Variants in RSL1D1 observed in about 807,000 individuals in gnomAD.
RSL1D1 encodes ribosomal L1 domain containing 1.
Under a neutral mutation model 44.6 loss-of-function variants are expected in RSL1D1, and 34 were observed. The ratio of observed to expected loss-of-function variants is 0.76; its 90% CI spans 0.58 to 1.02. The LOEUF is 1.02. Among genes scored for constraint, RSL1D1 ranks in the 50% least tolerant of loss-of-function variants. The probability of loss-of-function intolerance (pLI) is 0.00; values close to 1 mark genes in which losing one functional copy is unlikely to be tolerated. For missense variants in RSL1D1, 767 were observed against 568.1 expected (o/e 1.35, Z -3.56); for synonymous variants, 271 against 207.4 (o/e 1.31, Z -2.63).
intron 5 of RSL1D1, among the ~76,000 whole-genome samples, chr16:11,844,931 G>T (rs1170632758): frequency 6.6e-6 from 1 of 152,190 alleles, no homozygotes; most frequent in African/African-American, 2.4e-5. Context: ...CGCATCCTTT[G>T]CTCAGCCAGA....
At chr16:11,850,078 C>T (rs1424353117) in intron 2 of RSL1D1, among the ~76,000 whole-genome samples, 5 of 152,158 alleles carry the variant, frequency 3.3e-5, no homozygotes, top group South Asian at 2.1e-4. Flanking sequence ...CCGTCCACCT[C>T]GGCCTCCCAA....
At chr16:11,848,071 G>C (rs1323851086) in intron 2 of RSL1D1, among the ~76,000 whole-genome samples, 1 of 152,136 alleles carries the variant, frequency 6.6e-6, no homozygotes, top group African/African-American at 2.4e-5. Context: ...GGCCAACATG[G>C]TGAAACCCTG....
intron 2 of RSL1D1, among the ~76,000 whole-genome samples, chr16:11,850,016 A>G (rs1333449496): frequency 6.6e-6 from 1 of 152,116 alleles, no homozygotes; most frequent in Non-Finnish European, 1.5e-5. Context: ...TTGGAGAGAC[A>G]GGGTTTTACC....
Position 11,836,488 on chromosome 16 carries a change from A to C in RSL1D1, c.*1299T>G, listed in dbSNP as rs1314598730. On this transcript the variant is annotated 3_prime_UTR_variant, in exon 9 of 9. Coordinates refer to ENST00000571133, the MANE Select transcript of RSL1D1 (RefSeq NM_015659.3). ...CAACCAGTGAAAGGCCACGTACCTA[A>C]AAAGGTGTTTACTGCCTCAGAATAT... The C allele has an allele frequency of 6.6e-6, 1 of 152,224 alleles. No homozygotes were observed. The highest frequency in any genetic ancestry group is 1.5e-5 in the Non-Finnish European group (1 of 68,044). 9.4% of individuals were successfully genotyped at this position (152,224 alleles called of 1,614,324 possible).
At position 11,851,449 on chromosome 16, in the gene RSL1D1, G is replaced by A; in HGVS notation, c.64C>T (p.Pro22Ser). 1 of 1,614,150 alleles carries A rather than the reference G, an allele frequency of 6.2e-7. No homozygotes were observed. Among genetic ancestry groups the A allele is most frequent in the Non-Finnish European group, 8.5e-7 (1 of 1,179,990 alleles). Reference protein sequence around the residue: ...AAATGTSTSTPAAPTARKQLD... With the variant: ...AAATGTSTSTSAAPTARKQLD... ...TGCTTCCGTGCTGTCGGGGCCGCTGGAGTCGAGGTGGAGGTTCCAGTAGCG... is the reference window on the plus strand; with the variant it reads ...TGCTTCCGTGCTGTCGGGGCCGCTGAAGTCGAGGTGGAGGTTCCAGTAGCG... Residue 22 changes from proline (P) to serine (S), a missense_variant, in exon 1 of 9, where the codon CCA (proline) becomes TCA (serine). By Grantham distance (74) the Pro-to-Ser change is moderately conservative. Transcript: ENST00000571133.
intron 5 of RSL1D1, among the ~76,000 whole-genome samples, chr16:11,842,409 T>A (rs540936893): frequency 1.3e-3 from 197 of 152,354 alleles, no homozygotes; most frequent in Admixed American, 4.4e-3. Context: ...TATTTCATTT[T>A]TGAGACAGGG....
intron 2 of RSL1D1, among the ~76,000 whole-genome samples, chr16:11,848,187 A>C (rs976647447): frequency 3.3e-5 from 5 of 152,166 alleles, no homozygotes; most frequent in African/African-American, 1.2e-4. Flanking sequence ...CGGAAGGTGG[A>C]GGTTGCAGTG....
chr16:11,844,823 T>C (rs903478430), intron 5 of RSL1D1, among the ~76,000 whole-genome samples: 1 of 152,148 alleles, frequency 6.6e-6, no homozygotes, highest in African/African-American at 2.4e-5. Context: ...ATAAAATGTA[T>C]TTTCAATACA....
chr16:11,842,027 G>A lies in RSL1D1; in HGVS notation c.636-27C>T, dbSNP rs773717201. On this transcript the variant is annotated intron_variant, in intron 5 of 8. Transcript: ENST00000571133. ...TGAAATTTAATATAGTATTAGACAAGATTTTAAAAAACCATTTTTCAAAAT... is the reference window on the plus strand; with the variant it reads ...TGAAATTTAATATAGTATTAGACAAAATTTTAAAAAACCATTTTTCAAAAT... 4 of 1,520,882 alleles carry A rather than the reference G, an allele frequency of 2.6e-6. No individual in the cohort carries two copies. The South Asian group carries it at 3.6e-5, about 14-fold the overall frequency. The allele number at this position is 1,520,882 out of a possible 1,614,324, so 94.2% of individuals were successfully genotyped here. A position where few individuals can be genotyped will look rare whatever the true frequency, so the allele number is the denominator to read the frequency against.
intron 2 of RSL1D1, among the ~76,000 whole-genome samples, chr16:11,848,184 T>C (rs1236147618): frequency 1.3e-5 from 2 of 152,016 alleles, no homozygotes; most frequent in African/African-American, 4.8e-5. Context: ...ACCCGGAAGG[T>C]GGAGGTTGCA....
Position 11,841,997 on chromosome 16 carries a change from A to G in RSL1D1, c.639T>C (p.Ala213=), listed in dbSNP as rs2053767035. The G allele has an allele frequency of 6.2e-7, 1 of 1,606,888 alleles. No homozygotes were observed. The highest frequency in any genetic ancestry group is 8.5e-7 in the Non-Finnish European group (1 of 1,176,346). ...LNISKSGSCS[A]IRIGHVGMQI... is the part of the protein sequence containing the mutation. ...GCATTCCAACGTGACCAATACGTAT[A>G]GCACTGAAATTTAATATAGTATTAG... Residue 213 remains alanine (A), a synonymous_variant, in exon 6 of 9, where the codon GCT becomes GCC. Coordinates refer to ENST00000571133, the MANE Select transcript of RSL1D1 (RefSeq NM_015659.3).
chr16:11,845,360 G>GA (rs1555501385), intron 5 of RSL1D1, among the ~76,000 whole-genome samples: 1 of 152,236 alleles, frequency 6.6e-6, no homozygotes, highest in Non-Finnish European at 1.5e-5. Flanking sequence ...GGCTGAGGTG[G>GA]AAGGATTGCT....
At chr16:11,851,208 G>A (rs970506825) in intron 1 of RSL1D1, 200 bp downstream of exon 1, 12 of 631,826 alleles carry the variant, frequency 1.9e-5, no homozygotes, top group African/African-American at 1.6e-4. Flanking sequence ...CAATTCACTA[G>A]CGCCAGGCCG....
chr16:11,841,894 T>C lies in RSL1D1; in HGVS notation c.729+13A>G. 4 of 1,612,628 alleles carry C rather than the reference T, an allele frequency of 2.5e-6. No individual in the cohort carries two copies. Among genetic ancestry groups the C allele is most frequent in the Non-Finnish European group, 3.4e-6 (4 of 1,179,068 alleles). Reference sequence around the variant, plus strand: ...TAAATGAACAATCAATTGATGCACCTGTAATACTGTACCTCTGGCAATTTT... The same window carrying C: ...TAAATGAACAATCAATTGATGCACCCGTAATACTGTACCTCTGGCAATTTT... On this transcript the variant is annotated intron_variant, in intron 6 of 8. Coordinates refer to ENST00000571133, the MANE Select transcript of RSL1D1 (RefSeq NM_015659.3).
rs1484716331 is a variant in RSL1D1 at position 11,835,729 on chromosome 16, A to G, written c.*2058T>C. 2 of 152,288 alleles carry G rather than the reference A, an allele frequency of 1.3e-5. No individual in the cohort carries two copies. Among genetic ancestry groups the G allele is most frequent in the African/African-American group, 4.8e-5 (2 of 41,430 alleles). 9.4% of individuals were successfully genotyped at this position (152,288 alleles called of 1,614,324 possible). ...TCGAACTCCTGGGTTCAAGCAATCC[A>G]CCCAGCGTTCCAAAGTGCTGGGATT... On this transcript the variant is annotated 3_prime_UTR_variant, in exon 9 of 9. Transcript: ENST00000571133.
chr16:11,846,070 T>TAA (rs2053795539), intron 5 of RSL1D1, among the ~76,000 whole-genome samples: 1 of 150,962 alleles, frequency 6.6e-6, no homozygotes, highest in Admixed American at 6.6e-5. Context: ...ATTTTAGTTT[T>TAA]AAAAAAGGAT....
intron 5 of RSL1D1, among the ~76,000 whole-genome samples, chr16:11,845,109 A>G (rs2053788280): frequency 6.6e-6 from 1 of 152,186 alleles, no homozygotes. Flanking sequence ...AGGAAGTTAA[A>G]CCAAGAATGA....
rs1261389332 is a variant in RSL1D1 at position 11,841,945 on chromosome 16, CAAT to C, written c.688_690del (p.Ile230del). 8.7e-6 allele frequency: 14 copies of C among 1,614,004 alleles called. No individual in the cohort carries two copies. Among genetic ancestry groups the C allele is most frequent in the Middle Eastern group, 3.3e-4 (2 of 6,060 alleles). On this transcript the variant is annotated inframe_deletion, in exon 6 of 9. Coordinates refer to ENST00000571133, the MANE Select transcript of RSL1D1 (RefSeq NM_015659.3). ...TCTGAAAGTCCTTTGGTGACAGCAA[CAAT>C]GTTTTCAATGATGTGCTCAATTTGC...
chr16:11,844,132 C>T (rs915795090), intron 5 of RSL1D1, among the ~76,000 whole-genome samples: 1 of 152,150 alleles, frequency 6.6e-6, no homozygotes, highest in African/African-American at 2.4e-5. Flanking sequence ...GCACTGCCCA[C>T]TCCCTGTGCC....
Sources: allele counts gnomAD v4.1 joint callset (sites outside exome capture counted in the v4.1 genomes callset), GRCh38; gene constraint gnomAD v4.1.1; transcripts MANE v1.5; gene names NCBI Gene and HGNC (gene_info 2026-07-23, HGNC 2026-07-21).